ZC3H12C: variants seen among roughly 807,000 people sequenced by gnomAD.
ZC3H12C encodes the protein zinc finger CCCH-type containing 12C, also known as probable ribonuclease ZC3H12C.
Under a neutral mutation model 76.3 loss-of-function variants are expected in ZC3H12C, and 20 were observed. The ratio of observed to expected loss-of-function variants is 0.26; its 90% CI spans 0.18 to 0.38. ZC3H12C has a LOEUF of 0.38. Among genes scored for constraint, ZC3H12C ranks in the 10% least tolerant of loss-of-function variants. The pLI is 1.00. For synonymous variants in ZC3H12C, 352 were observed against 399.6 expected, an observed-to-expected ratio of 0.88 and a Z score of 1.42; for missense variants, 874 against 1,086.5, an observed-to-expected ratio of 0.80 and a Z score of 2.75.
At chr11:110,124,058 C>A (rs1277786155) in intron 1 of ZC3H12C, 2 of 152,296 alleles carry the variant, frequency 1.3e-5, no homozygotes, top group East Asian at 1.9e-4. Context: ...TACAGACTTA[C>A]CCATCAAAGT....
intron 1 of ZC3H12C, among the ~76,000 whole-genome samples, chr11:110,107,718 GT>G (rs1315620103): frequency 6.6e-6 from 1 of 151,984 alleles, no homozygotes; most frequent in Non-Finnish European, 1.5e-5. Context: ...TAGAGACAGA[GT>G]TTCACCATGT....
In ZC3H12C at chr11:110,171,816, T is replaced by C. The variant is rs970860217; in HGVS notation, c.*6079T>C. ...GATTAATTCCTATGAAAATTGAAAT[T>C]AAATGTCAAAGACAACTAGACATAA... is the stretch of plus-strand genomic sequence containing the variant. On this transcript the variant is annotated 3_prime_UTR_variant, in exon 6 of 6. Transcript: ENST00000278590. 3 of 152,158 alleles carry C rather than the reference T, an allele frequency of 2.0e-5. No individual in the cohort carries two copies. Among genetic ancestry groups the C allele is most frequent in the Admixed American group, 6.6e-5 (1 of 15,266 alleles). The allele number at this position is 152,158 out of a possible 1,614,324, so 9.4% of individuals were successfully genotyped here. A position where few individuals can be genotyped will look rare whatever the true frequency, so the allele number is the denominator to read the frequency against.
rs1174500264 is a variant in ZC3H12C at position 110,106,277 on chromosome 11, AAAT to A, written c.21+12848_21+12850del. 8.2e-4 allele frequency among the ~76,000 whole-genome samples: 11 copies of A among 13,390 alleles called. 4 individuals are homozygous for A. Among genetic ancestry groups the A allele is most frequent in the African/African-American group, 4.4e-3 (11 of 2,498 alleles). 8.8% of individuals were successfully genotyped at this position (13,390 alleles called of 152,430 possible). The stretch of plus-strand genomic sequence containing the variant: ...AGCGAGACTCCGTCTCAAAAAAAAT[AAAT>A]AAATAAATAAATAAATAAATAAAAG... On this transcript the variant is annotated intron_variant, in intron 1 of 5. Coordinates refer to ENST00000278590, the MANE Select transcript of ZC3H12C (RefSeq NM_033390.2).
At chr11:110,138,331 C>A (rs927003442) in intron 2 of ZC3H12C, among the ~76,000 whole-genome samples, 2 of 152,064 alleles carry the variant, frequency 1.3e-5, no homozygotes, top group African/African-American at 4.8e-5. Context: ...ACCAGAGAAT[C>A]ATCTGAGGGA....
chr11:110,160,634 T>C (rs1385116443), intron 4 of ZC3H12C, among the ~76,000 whole-genome samples: 1 of 152,180 alleles, frequency 6.6e-6, no homozygotes, highest in Non-Finnish European at 1.5e-5. Context: ...CCCTGGAAAG[T>C]CTCCAGGGGC....
At chr11:110,158,502 T>C (rs1294397270) in intron 3 of ZC3H12C, among the ~76,000 whole-genome samples, 2 of 150,654 alleles carry the variant, frequency 1.3e-5, no homozygotes, top group Non-Finnish European at 3.0e-5. Flanking sequence ...AGACCAAGAC[T>C]CAGTCACAGA....
chr11:110,165,695 C>T lies in ZC3H12C; in HGVS notation c.2610C>T (p.Leu870=), dbSNP rs143182695. Residue 870 remains leucine (L), a synonymous_variant, in exon 6 of 6, where the codon CTC becomes CTT. Transcript: ENST00000278590. ...CTCACATGACAGACGCCCAGCAGCT[C>T]GCCGCAGCCATTTTAGTGGAGAAAT... ...RNPHMTDAQQ[L]AAAILVEKSQ... is the part of the protein sequence containing the mutation. 1.3e-6 allele frequency: 2 copies of T among 1,593,986 alleles called. No homozygotes were observed. The highest frequency in any genetic ancestry group is 1.1e-5 in the South Asian group (1 of 87,624).
rs1358150187 is a variant in ZC3H12C at position 110,165,579 on chromosome 11, C to G, written c.2494C>G (p.Pro832Ala). Reference sequence around the variant, plus strand: ...ATACTGTGGAATGCCGCAAGATCCCCCGAGGTATCAAGACAACCGAGAAAA... The same window carrying G: ...ATACTGTGGAATGCCGCAAGATCCCGCGAGGTATCAAGACAACCGAGAAAA... Reference protein sequence around the residue: ...IPYCGMPQDPPRYQDNREKIY... With the variant: ...IPYCGMPQDPARYQDNREKIY... The change falls in exon 6 of 6, where the codon CCG becomes GCG. Residue 832 changes from proline (P) to alanine (A), a missense_variant. Coordinates refer to ENST00000278590, the MANE Select transcript of ZC3H12C (RefSeq NM_033390.2). 7 of 1,611,864 alleles carry G rather than the reference C, an allele frequency of 4.3e-6. No individual in the cohort carries two copies.
intron 1 of ZC3H12C, among the ~76,000 whole-genome samples, chr11:110,097,162 A>C (rs1861128222): frequency 6.6e-6 from 1 of 152,234 alleles, no homozygotes; most frequent in African/African-American, 2.4e-5. Flanking sequence ...TCTTAGCATC[A>C]TCAGAGGATT....
Position 110,170,461 on chromosome 11 carries a change from T to C in ZC3H12C, c.*4724T>C, listed in dbSNP as rs905780128. ...AAAATGATTTTAAAGAAGATAAATA[T>C]ATTGTAATTTCACATGCTATAGCTT... On this transcript the variant is annotated 3_prime_UTR_variant, in exon 6 of 6. Coordinates refer to ENST00000278590, the MANE Select transcript of ZC3H12C (RefSeq NM_033390.2). The C allele has an allele frequency of 1.3e-5, 2 of 152,230 alleles. No individual in the cohort carries two copies. The highest frequency in any genetic ancestry group is 4.8e-5 in the African/African-American group (2 of 41,468). 9.4% of individuals were successfully genotyped at this position (152,230 alleles called of 1,614,324 possible).
In ZC3H12C at chr11:110,164,827, G is replaced by A; in HGVS notation, c.1742G>A (p.Cys581Tyr). The A allele has an allele frequency of 6.2e-7, 1 of 1,614,000 alleles. No homozygotes were observed. The highest frequency in any genetic ancestry group is 8.5e-7 in the Non-Finnish European group (1 of 1,179,892). Residue 581 changes from cysteine to tyrosine, a missense_variant, in exon 6 of 6, where the codon TGT (cysteine) becomes TAT (tyrosine). Physicochemically the swap from Cys to Tyr is radical, Grantham distance 194. Coordinates refer to ENST00000278590, the MANE Select transcript of ZC3H12C (RefSeq NM_033390.2). The surrounding 1 kb of genome is among the most constrained non-coding windows in gnomAD (Gnocchi z 5.7). ...ATGCCTTATGAACAGTATCCAAAAT[G>A]TGACTCACCTGTCGACATCGGATAT... ...TPMPYEQYPK[C>Y]DSPVDIGYYS...
At chr11:110,107,391 G>GT (rs1328687280) in intron 1 of ZC3H12C, among the ~76,000 whole-genome samples, 4 of 151,454 alleles carry the variant, frequency 2.6e-5, no homozygotes, top group African/African-American at 4.9e-5. Flanking sequence ...TTTTTTGTTT[G>GT]TTTTTTTCTG....
intron 1 of ZC3H12C, among the ~76,000 whole-genome samples, chr11:110,119,615 C>G (rs1325138348): frequency 6.6e-6 from 1 of 152,124 alleles, no homozygotes; most frequent in Non-Finnish European, 1.5e-5. Context: ...TTCATCCGTT[C>G]CTGCTGCTAT....
At chr11:110,111,406 C>G (rs1243380848) in intron 1 of ZC3H12C, among the ~76,000 whole-genome samples, 1 of 124,914 alleles carries the variant, frequency 8.0e-6, no homozygotes, top group East Asian at 2.6e-4. Context: ...GATTCTTACT[C>G]AACTTTTTTT....
At chr11:110,147,804 C>T (rs1397588212) in intron 2 of ZC3H12C, among the ~76,000 whole-genome samples, 1 of 152,164 alleles carries the variant, frequency 6.6e-6, no homozygotes, top group African/African-American at 2.4e-5. Flanking sequence ...TCTCAGACTC[C>T]TTGTTCCTTC....
At chr11:110,148,368 C>A (rs1357897873) in intron 2 of ZC3H12C, among the ~76,000 whole-genome samples, 1 of 152,118 alleles carries the variant, frequency 6.6e-6, no homozygotes, top group African/African-American at 2.4e-5. Flanking sequence ...GACCTACTGA[C>A]AATATTCTAG....
At chr11:110,118,321 C>G (rs544996416) in intron 1 of ZC3H12C, among the ~76,000 whole-genome samples, 1 of 151,894 alleles carries the variant, frequency 6.6e-6, no homozygotes, top group Admixed American at 6.6e-5. Flanking sequence ...CCAAGCGCCT[C>G]GGTGAAACAC....
intron 1 of ZC3H12C, among the ~76,000 whole-genome samples, chr11:110,118,560 G>A (rs1042529154): frequency 6.6e-6 from 1 of 152,226 alleles, no homozygotes; most frequent in African/African-American, 2.4e-5. Flanking sequence ...ACTTTGGGGG[G>A]CCAAGGCAGG....
At chr11:110,161,894 G>T (rs1202385407) in intron 4 of ZC3H12C, among the ~76,000 whole-genome samples, 1 of 152,200 alleles carries the variant, frequency 6.6e-6, no homozygotes, top group African/African-American at 2.4e-5. Flanking sequence ...ACTTTGGGAG[G>T]CCAAGGCAGG....
Sources: allele counts gnomAD v4.1 joint callset (sites outside exome capture counted in the v4.1 genomes callset), GRCh38; gene constraint gnomAD v4.1.1; non-coding constraint Gnocchi (gnomAD v3.1); transcripts MANE v1.5; gene names NCBI Gene and HGNC (gene_info 2026-07-23, HGNC 2026-07-21).